Variants in OR2L13 observed in about 807,000 individuals in gnomAD.
OR2L13 encodes the protein olfactory receptor family 2 subfamily L member 13, also known as olfactory receptor 2L13.
Under a neutral mutation model 15.3 loss-of-function variants are expected in OR2L13, and 14 were observed. That is an observed-to-expected ratio of 0.91 (90% CI 0.60 to 1.43). The LOEUF (loss-of-function observed/expected upper bound fraction) is 1.43, where lower values mean the gene tolerates loss of function less well. Among genes scored for constraint, OR2L13 ranks in the 40% most tolerant of loss-of-function variants. OR2L13 has a pLI of 0.00. For synonymous variants in OR2L13, 152 were observed against 142.9 expected (o/e 1.06, Z -0.45); for missense variants, 367 against 387.9 (o/e 0.95, Z 0.45).
chr1:248,021,188 A>G, the OR2L13 span, among the ~76,000 whole-genome samples: 6 of 152,144 alleles, frequency 3.9e-5, no homozygotes, highest in Admixed American at 3.3e-4. Flanking sequence ...TGAAGTTGTA[A>G]GACAGATGAT....
At chr1:248,059,273 A>G in the OR2L13 span, among the ~76,000 whole-genome samples, 1 of 152,216 alleles carries the variant, frequency 6.6e-6, no homozygotes, top group Non-Finnish European at 1.5e-5. Flanking sequence ...TCTTTTAGGC[A>G]TACTGTGCAA....
chr1:247,982,152 A>T, the OR2L13 span, among the ~76,000 whole-genome samples: 1 of 152,152 alleles, frequency 6.6e-6, no homozygotes, highest in Admixed American at 6.5e-5. Context: ...CTTATTTTGT[A>T]ATGAATAATA....
At chr1:247,967,162 A>G in the OR2L13 span, among the ~76,000 whole-genome samples, 1 of 152,166 alleles carries the variant, frequency 6.6e-6, no homozygotes, top group African/African-American at 2.4e-5. Context: ...TTCAGAAAAT[A>G]TTCTCTTAAG....
At chr1:247,938,023 G>C in the OR2L13 span, among the ~76,000 whole-genome samples, 1 of 152,116 alleles carries the variant, frequency 6.6e-6, no homozygotes, top group African/African-American at 2.4e-5. Context: ...AAAAAGAACA[G>C]TGTGGCAATA....
the OR2L13 span, among the ~76,000 whole-genome samples, chr1:247,989,352 A>G: frequency 0.039 from 5,888 of 152,194 alleles, 351 homozygotes; most frequent in African/African-American, 0.13. Context: ...AATGTAGAAA[A>G]AAATCATCCT....
At chr1:248,071,405 G>A in the OR2L13 span, among the ~76,000 whole-genome samples, 36 of 152,156 alleles carry the variant, frequency 2.4e-4, no homozygotes, top group Non-Finnish European at 4.6e-4. Flanking sequence ...ATGCAGAAAA[G>A]GCCTTTGACA....
the OR2L13 span, among the ~76,000 whole-genome samples, chr1:247,950,214 A>C: frequency 6.6e-6 from 1 of 152,124 alleles, no homozygotes; most frequent in Non-Finnish European, 1.5e-5. Flanking sequence ...TGAAAGCCAT[A>C]AGATGTTTTC....
At chr1:248,039,929 G>A in the OR2L13 span, 1 of 152,164 alleles carries the variant, frequency 6.6e-6, no homozygotes, top group Non-Finnish European at 1.5e-5. Flanking sequence ...AGAAAAACAA[G>A]AGTTTCTGTA....
the OR2L13 span, among the ~76,000 whole-genome samples, chr1:248,076,364 T>C: frequency 6.6e-6 from 1 of 152,192 alleles, no homozygotes; most frequent in Non-Finnish European, 1.5e-5. Context: ...TTAAAGTAGT[T>C]TTTTACAGTT....
chr1:248,005,531 G>A, the OR2L13 span, among the ~76,000 whole-genome samples: 1 of 151,984 alleles, frequency 6.6e-6, no homozygotes, highest in Non-Finnish European at 1.5e-5. Flanking sequence ...ACTATTTGGG[G>A]TCTTTTATAG....
chr1:247,980,592 A>G, the OR2L13 span, among the ~76,000 whole-genome samples: 1 of 152,234 alleles, frequency 6.6e-6, no homozygotes, highest in African/African-American at 2.4e-5. Flanking sequence ...AAACATCTAA[A>G]TACATTATCA....
the OR2L13 span, among the ~76,000 whole-genome samples, chr1:247,973,324 G>A: frequency 1.3e-5 from 2 of 152,266 alleles, no homozygotes; most frequent in South Asian, 4.2e-4. Flanking sequence ...AATAGGAAGG[G>A]AGGAAGTCCA....
At chr1:248,003,761 A>T in the OR2L13 span, 1 of 1,613,874 alleles carries the variant, frequency 6.2e-7, no homozygotes, top group South Asian at 1.1e-5. Context: ...GTTTCCCTTC[A>T]TTGCTATTTC....
the OR2L13 span, among the ~76,000 whole-genome samples, chr1:248,047,553 C>T: frequency 6.6e-6 from 1 of 152,024 alleles, no homozygotes; most frequent in East Asian, 1.9e-4. Context: ...TATAGGTATC[C>T]AGATTTTGTT....
chr1:247,968,409 T>G, the OR2L13 span, among the ~76,000 whole-genome samples: 1 of 152,152 alleles, frequency 6.6e-6, no homozygotes, highest in Non-Finnish European at 1.5e-5. Context: ...GTTTGTTACA[T>G]AGGTATACAT....
At chr1:248,029,496 C>T in the OR2L13 span, among the ~76,000 whole-genome samples, 1 of 151,916 alleles carries the variant, frequency 6.6e-6, no homozygotes, top group Non-Finnish European at 1.5e-5. Context: ...AGAGTAATAA[C>T]AACATTTTAT....
the OR2L13 span, among the ~76,000 whole-genome samples, chr1:248,036,701 T>C: frequency 6.6e-6 from 1 of 152,208 alleles, no homozygotes; most frequent in Non-Finnish European, 1.5e-5. Context: ...ATGTCTTCTA[T>C]CTGGAGAAGA....
chr1:248,067,002 G>A, the OR2L13 span, among the ~76,000 whole-genome samples: 1 of 152,180 alleles, frequency 6.6e-6, no homozygotes, highest in Admixed American at 6.5e-5. Flanking sequence ...TTAATTCCAG[G>A]AGAAGACGAA....
At chr1:248,094,627 A>G (rs116346289), upstream of OR2L13, among the ~76,000 whole-genome samples, 2,112 of 152,322 alleles carry the variant, frequency 0.014, 59 homozygotes, top group African/African-American at 0.048. Flanking sequence ...TCTAAGAGTC[A>G]GCTTTCACTT....
Sources: allele counts gnomAD v4.1 joint callset (sites outside exome capture counted in the v4.1 genomes callset), GRCh38; gene constraint gnomAD v4.1.1; transcripts MANE v1.5; gene names NCBI Gene and HGNC (gene_info 2026-07-23, HGNC 2026-07-21).